Variants in IGSF11 observed in about 807,000 individuals in gnomAD.
The protein encoded by IGSF11 is immunoglobulin superfamily member 11.
Under a neutral mutation model 41.0 loss-of-function variants are expected in IGSF11, and 22 were observed. That is an observed-to-expected ratio of 0.54 (90% confidence interval 0.38 to 0.77). The LOEUF (loss-of-function observed/expected upper bound fraction) is 0.77, where lower values mean the gene tolerates loss of function less well. Ranked by LOEUF, IGSF11 falls within the 30% of genes least tolerant of loss-of-function variation. IGSF11 has a pLI of 0.00. For missense variants in IGSF11, 444 were observed against 530.8 expected, an observed-to-expected ratio of 0.84 and a Z score of 1.61; for synonymous variants, 219 against 201.3, an observed-to-expected ratio of 1.09 and a Z score of -0.74.
chr3:119,129,468 AAAT>A (rs1264135055), intron 1 of IGSF11, among the ~76,000 whole-genome samples: 9 of 152,196 alleles, frequency 5.9e-5, no homozygotes, highest in African/African-American at 1.7e-4. Context: ...AGCCATTTGA[AAAT>A]AATAATTTTT....
At chr3:119,121,195 A>T (rs1001116595) in intron 1 of IGSF11, among the ~76,000 whole-genome samples, 13 of 152,226 alleles carry the variant, frequency 8.5e-5, no homozygotes, top group African/African-American at 3.1e-4. Flanking sequence ...TGTACATTGA[A>T]AAAAGCAACT....
At chr3:118,990,365 T>C (rs1003201905) in intron 1 of IGSF11, among the ~76,000 whole-genome samples, 4 of 152,130 alleles carry the variant, frequency 2.6e-5, no homozygotes, top group African/African-American at 7.2e-5. Context: ...AGAAATGTTT[T>C]GAAAGTATGG....
intron 1 of IGSF11, among the ~76,000 whole-genome samples, chr3:118,961,740 T>C (rs529588322): frequency 6.6e-6 from 1 of 152,292 alleles, no homozygotes; most frequent in Admixed American, 6.5e-5. Flanking sequence ...TTAAAAATAA[T>C]AGTATAGCTC....
At chr3:119,028,703 G>A (rs200862721) in intron 1 of IGSF11, among the ~76,000 whole-genome samples, 2 of 150,892 alleles carry the variant, frequency 1.3e-5, no homozygotes. Context: ...TATAAAATTT[G>A]AAAAAAAAAC....
intron 1 of IGSF11, among the ~76,000 whole-genome samples, chr3:119,005,477 G>T (rs1211449671): frequency 0.013 from 1,963 of 148,204 alleles, 40 homozygotes; most frequent in African/African-American, 0.048. Flanking sequence ...AAAGTTAATA[G>T]TGTTATGTGT....
At chr3:119,005,226 T>A (rs537013743) in intron 1 of IGSF11, among the ~76,000 whole-genome samples, 2,288 of 145,450 alleles carry the variant, frequency 0.016, 67 homozygotes, top group African/African-American at 0.059. Flanking sequence ...AATGGCCTTC[T>A]TTGTCTCTTT....
At chr3:118,928,380 T>C in intron 3 of IGSF11, 129 bp downstream of exon 3, 1 of 661,416 alleles carries the variant, frequency 1.5e-6, no homozygotes, top group African/African-American at 1.8e-5. Flanking sequence ...AGAGAAGAGA[T>C]GGAACTGAGA....
chr3:119,113,372 A>G (rs1407033336), intron 1 of IGSF11, among the ~76,000 whole-genome samples: 2 of 152,234 alleles, frequency 1.3e-5, no homozygotes, highest in Non-Finnish European at 2.9e-5. Context: ...AGATACAATG[A>G]GGATATGGGC....
At chr3:118,986,658 C>T (rs562810868) in intron 1 of IGSF11, among the ~76,000 whole-genome samples, 2 of 152,222 alleles carry the variant, frequency 1.3e-5, no homozygotes, top group Non-Finnish European at 2.9e-5. Context: ...TCTGTTTTCA[C>T]AGAGAAGGAA....
chr3:119,047,900 G>A (rs1017284722), intron 1 of IGSF11, among the ~76,000 whole-genome samples: 1 of 152,134 alleles, frequency 6.6e-6, no homozygotes, highest in African/African-American at 2.4e-5. Context: ...AATGACTACT[G>A]CGTACATAAC....
intron 1 of IGSF11, among the ~76,000 whole-genome samples, chr3:118,975,917 T>C (rs1934045372): frequency 6.6e-6 from 1 of 152,130 alleles, no homozygotes; most frequent in Non-Finnish European, 1.5e-5. Flanking sequence ...TTGAGTACTA[T>C]GCTCACTACC....
chr3:118,998,479 GA>G (rs1299575852), intron 1 of IGSF11, among the ~76,000 whole-genome samples: 8 of 148,212 alleles, frequency 5.4e-5, no homozygotes, highest in African/African-American at 7.5e-5. Context: ...CATTGGGGGG[GA>G]AAAAAAAGAA....
intron 1 of IGSF11, among the ~76,000 whole-genome samples, chr3:119,104,305 C>T (rs1029349662): frequency 1.3e-5 from 2 of 152,168 alleles, no homozygotes; most frequent in Non-Finnish European, 2.9e-5. Context: ...TATTATTACC[C>T]AGCCCCTTCA....
intron 1 of IGSF11, among the ~76,000 whole-genome samples, chr3:119,003,564 GT>G (rs935332115): frequency 2.6e-5 from 4 of 151,208 alleles, no homozygotes; most frequent in Admixed American, 2.0e-4. Context: ...AATGCTTCCA[GT>G]TTTTGCCCAT....
intron 4 of IGSF11, among the ~76,000 whole-genome samples, chr3:118,906,163 AC>A (rs1939568580): frequency 6.6e-6 from 1 of 152,196 alleles, no homozygotes; most frequent in Non-Finnish European, 1.5e-5. Flanking sequence ...ATAGACTGTT[AC>A]TCCCTAACAA....
chr3:119,112,469 G>C (rs2077191737), intron 1 of IGSF11, among the ~76,000 whole-genome samples: 1 of 152,312 alleles, frequency 6.6e-6, no homozygotes, highest in African/African-American at 2.4e-5. Context: ...TTGGGTGGGA[G>C]TGACCCGATT....
upstream of IGSF11, among the ~76,000 whole-genome samples, chr3:119,036,005 A>G (rs1940881345): frequency 6.6e-6 from 1 of 152,254 alleles, no homozygotes; most frequent in African/African-American, 2.4e-5. Context: ...CATTTGGACA[A>G]GGATTGGAAG....
intron 1 of IGSF11, among the ~76,000 whole-genome samples, chr3:119,133,139 AC>A (rs1559884902): frequency 6.6e-6 from 1 of 152,220 alleles, no homozygotes; most frequent in African/African-American, 2.4e-5. Context: ...CAACACCATA[AC>A]ATCACAATTA....
At chr3:118,951,273 G>A (rs1225229358) in intron 1 of IGSF11, among the ~76,000 whole-genome samples, 1 of 152,034 alleles carries the variant, frequency 6.6e-6, no homozygotes, top group African/African-American at 2.4e-5. Flanking sequence ...CTTATATCAG[G>A]GACTGCAACT....
Sources: gnomAD v4.1 joint callset for allele counts (sites outside exome capture counted in the v4.1 genomes callset) on GRCh38, gnomAD v4.1.1 for gene constraint, MANE v1.5 for transcripts, NCBI Gene and HGNC (gene_info 2026-07-23, HGNC 2026-07-21) for gene names.